The following SLC4A4 variants were observed in gnomAD, a reference collection of about 807,000 sequenced individuals.
The protein encoded by SLC4A4 is electrogenic sodium bicarbonate cotransporter 1.
Under a neutral mutation model 111.5 loss-of-function variants are expected in SLC4A4, and 27 were observed. That is an observed-to-expected ratio of 0.24 (90% CI 0.18 to 0.33). SLC4A4 has a LOEUF of 0.33. Ranked by LOEUF, SLC4A4 falls within the 10% of genes least tolerant of loss-of-function variation. SLC4A4 has a pLI of 1.00. For synonymous variants in SLC4A4, 443 were observed against 463.4 expected (o/e 0.96, Z 0.57); for missense variants, 909 against 1,315.5 (o/e 0.69, Z 4.78).
chr4:71,274,355 A>T (rs1296853138), intron 3 of SLC4A4, among the ~76,000 whole-genome samples: 1 of 152,158 alleles, frequency 6.6e-6, no homozygotes, highest in Non-Finnish European at 1.5e-5. Context: ...TTTGCATGTA[A>T]GTGGACCCAT....
intron 7 of SLC4A4, among the ~76,000 whole-genome samples, chr4:71,429,776 A>C (rs762726732): frequency 6.6e-6 from 1 of 152,184 alleles, no homozygotes; most frequent in Non-Finnish European, 1.5e-5. Flanking sequence ...ACAACTTACA[A>C]TCTATAAGAA....
At chr4:71,131,849 G>T (rs533944158) in intron 2 of SLC4A4, among the ~76,000 whole-genome samples, 1 of 152,214 alleles carries the variant, frequency 6.6e-6, no homozygotes, top group Admixed American at 6.5e-5. Flanking sequence ...GCTCTACCCT[G>T]TGCCACCCAC....
intron 3 of SLC4A4, among the ~76,000 whole-genome samples, chr4:71,311,890 TGAGAGAGAGAGAGAGAGAGAGA>T (rs761331086): frequency 1.3e-5 from 1 of 76,540 alleles, no homozygotes; most frequent in African/African-American, 4.7e-5. Context: ...TGCAAGGCTG[TGAGAGAGAGAGAGAGAGAGAGA>T]GAGAGAGAGA....
At chr4:71,462,552 G>T (rs1577963905) in intron 12 of SLC4A4, among the ~76,000 whole-genome samples, 1 of 151,784 alleles carries the variant, frequency 6.6e-6, no homozygotes, top group African/African-American at 2.4e-5. Flanking sequence ...GGGACTACAG[G>T]TGTGCACCAC....
intron 13 of SLC4A4, among the ~76,000 whole-genome samples, chr4:71,466,978 A>AGAGAGG (rs1727421617): frequency 6.8e-6 from 1 of 147,314 alleles, no homozygotes; most frequent in Non-Finnish European, 1.5e-5. Flanking sequence ...AGAGAGAGAG[A>AGAGAGG]GGTCTGAGTA....
intron 3 of SLC4A4, among the ~76,000 whole-genome samples, chr4:71,315,328 C>T (rs1726596491): frequency 6.6e-6 from 1 of 152,098 alleles, no homozygotes. Flanking sequence ...TTGTTTTGAA[C>T]TATATAATTA....
At chr4:71,417,244 C>T (rs978455007) in intron 7 of SLC4A4, among the ~76,000 whole-genome samples, 1 of 152,070 alleles carries the variant, frequency 6.6e-6, no homozygotes, top group Non-Finnish European at 1.5e-5. Flanking sequence ...CTTTAAAGTA[C>T]TTGTAGTCTG....
chr4:71,284,268 A>G (rs765335595), intron 3 of SLC4A4, among the ~76,000 whole-genome samples: 2 of 152,194 alleles, frequency 1.3e-5, no homozygotes, highest in African/African-American at 2.4e-5. Flanking sequence ...GTATAAAAGG[A>G]GTTTAAAGTC....
chr4:71,462,005 C>G (rs935151412), intron 12 of SLC4A4, among the ~76,000 whole-genome samples: 1 of 151,790 alleles, frequency 6.6e-6, no homozygotes, highest in African/African-American at 2.4e-5. Context: ...CCTAAAGAGG[C>G]TTTTTTTTAC....
At chr4:71,377,161 C>A (rs920071014) in intron 6 of SLC4A4, among the ~76,000 whole-genome samples, 3 of 151,926 alleles carry the variant, frequency 2.0e-5, no homozygotes, top group Non-Finnish European at 4.4e-5. Flanking sequence ...ATAAACAGAC[C>A]CTCTTAATAT....
At chr4:71,337,022 G>C (rs1170792796) in intron 3 of SLC4A4, among the ~76,000 whole-genome samples, 1 of 152,162 alleles carries the variant, frequency 6.6e-6, no homozygotes, top group Non-Finnish European at 1.5e-5. Flanking sequence ...ACACTTTGCT[G>C]TCTGTGTGTG....
chr4:71,562,105 GT>G (rs986424119), intron 23 of SLC4A4, among the ~76,000 whole-genome samples: 3 of 151,780 alleles, frequency 2.0e-5, no homozygotes, highest in South Asian at 2.1e-4. Context: ...CATTTAAAGT[GT>G]TTTTTTGTAT....
At chr4:71,481,050 A>G (rs1728833387) in intron 14 of SLC4A4, among the ~76,000 whole-genome samples, 1 of 151,618 alleles carries the variant, frequency 6.6e-6, no homozygotes, top group South Asian at 2.1e-4. Flanking sequence ...ACACTGTGTT[A>G]TTTTATCTGC....
At chr4:71,424,695 C>T (rs1394125323) in intron 7 of SLC4A4, among the ~76,000 whole-genome samples, 4 of 152,110 alleles carry the variant, frequency 2.6e-5, no homozygotes, top group Non-Finnish European at 5.9e-5. Context: ...GTTGTAGGGA[C>T]ATGGATGAAA....
At chr4:71,478,686 G>A (rs1204062358) in intron 14 of SLC4A4, among the ~76,000 whole-genome samples, 1 of 151,578 alleles carries the variant, frequency 6.6e-6, no homozygotes, top group Non-Finnish European at 1.5e-5. Context: ...AACCACCATG[G>A]CACATGTATA....
At chr4:71,119,351 T>C (rs1743354401) in intron 2 of SLC4A4, among the ~76,000 whole-genome samples, 1 of 152,164 alleles carries the variant, frequency 6.6e-6, no homozygotes, top group African/African-American at 2.4e-5. Context: ...ACTTATGCTT[T>C]TTTATTGTTG....
intron 2 of SLC4A4, among the ~76,000 whole-genome samples, chr4:71,248,122 G>A (rs1720809213): frequency 6.6e-6 from 1 of 152,090 alleles, no homozygotes; most frequent in Non-Finnish European, 1.5e-5. Flanking sequence ...GACAAGTTAA[G>A]AATAGGTCTG....
At position 71,414,192 on chromosome 4, in the gene SLC4A4, A is replaced by C. The variant is rs73828147; in HGVS notation, c.807+16539A>C. Among the ~76,000 whole-genome samples the C allele has an allele frequency of 7.7e-3, 1,171 of 152,366 alleles. 16 individuals carry two copies. The highest frequency in any genetic ancestry group is 0.025 in the African/African-American group (1,031 of 41,584). On this transcript the variant is annotated intron_variant, in intron 7 of 25. Transcript: ENST00000264485. ...CCCATGCACTCCCTGGATCCCCATC[A>C]GCCAACCTTAAGAACCATTGCTCTG...
chr4:71,165,251 C>A (rs1744713551), intron 2 of SLC4A4, among the ~76,000 whole-genome samples: 1 of 152,206 alleles, frequency 6.6e-6, no homozygotes, highest in Non-Finnish European at 1.5e-5. Flanking sequence ...GAAACTTGCA[C>A]ACGTATGTTT....
Sources: gnomAD v4.1 joint callset for allele counts (sites outside exome capture counted in the v4.1 genomes callset) on GRCh38, gnomAD v4.1.1 for gene constraint, MANE v1.5 for transcripts, NCBI Gene and HGNC (gene_info 2026-07-23, HGNC 2026-07-21) for gene names.